The following FMO2 variants were observed in gnomAD, a reference collection of about 807,000 sequenced individuals.
FMO2 encodes flavin-containing monooxygenase 2.
A neutral mutation model predicts 41.6 loss-of-function variants in FMO2; 33 were observed. The observed-to-expected ratio is 0.79, with a 90% CI of 0.60 to 1.06. FMO2 has a LOEUF of 1.06. Ranked by LOEUF, FMO2 falls within the 50% of genes least tolerant of loss-of-function variation. The pLI is 0.00. For missense variants in FMO2, 619 were observed against 632.9 expected (o/e 0.98, Z 0.23); for synonymous variants, 214 against 219.6 (o/e 0.97, Z 0.23).
chr1:171,196,215 A>G (rs916783883), intron 3 of FMO2, among the ~76,000 whole-genome samples: 3 of 152,234 alleles, frequency 2.0e-5, no homozygotes, highest in Non-Finnish European at 2.9e-5. Flanking sequence ...AAAAAATACA[A>G]TTACATAATT....
rs1440663808 is a variant in FMO2 at position 171,199,504 on chromosome 1, C to T, written c.627+16C>T. 10 of 1,585,222 alleles carry T rather than the reference C, an allele frequency of 6.3e-6. No individual in the cohort carries two copies. In the East Asian group the frequency reaches 9.3e-5, roughly 15 times the overall value. ...TGCTGCTCAGGTGTGATGCTCTCTG[C>T]TTACCATGTACCTGGAGGGGAGGAA... On this transcript the variant is annotated intron_variant, in intron 5 of 8. Transcript: ENST00000209929.
chr1:171,187,063 G>A (rs1364800825), intron 2 of FMO2, among the ~76,000 whole-genome samples: 2 of 152,206 alleles, frequency 1.3e-5, no homozygotes, highest in Non-Finnish European at 2.9e-5. Flanking sequence ...AAGTGAGGGA[G>A]GTTAAGTGAG....
At chr1:171,198,232 C>A (rs1658378311) in intron 4 of FMO2, among the ~76,000 whole-genome samples, 1 of 150,486 alleles carries the variant, frequency 6.6e-6, no homozygotes, top group Non-Finnish European at 1.5e-5. Flanking sequence ...TGATTAACCA[C>A]CAGCAAGTCA....
rs1280706069 is a variant in FMO2, at chr1:171,205,654, A to G, written c.1183+20A>G. On this transcript the variant is annotated intron_variant, in intron 7 of 8. Coordinates refer to ENST00000209929, the MANE Select transcript of FMO2 (RefSeq NM_001460.5). ...TCAAAGGTAAGTGTGTAGGCAGGTG[A>G]GTGGCTAAGCGTTTCAGATCTGGTG... 1.3e-6 allele frequency: 2 copies of G among 1,494,642 alleles called. No homozygotes were observed. The highest frequency in any genetic ancestry group is 1.8e-6 in the Non-Finnish European group (2 of 1,093,176). The allele number at this position is 1,494,642 out of a possible 1,614,324, so 92.6% of individuals were successfully genotyped here.
chr1:171,209,816 T>A lies in FMO2; in HGVS notation c.*671T>A, dbSNP rs1658910781. On this transcript the variant is annotated 3_prime_UTR_variant, in exon 9 of 9. Transcript: ENST00000209929. Reference sequence around the variant, plus strand: ...CTACCTAACAAATATATATGTTTAATGTTTATCATAGGCCAGACATTGTGC... The same window carrying A: ...CTACCTAACAAATATATATGTTTAAAGTTTATCATAGGCCAGACATTGTGC... 6.6e-6 allele frequency: 1 copy of A among 152,236 alleles called. No individual in the cohort carries two copies. The highest frequency in any genetic ancestry group is 1.5e-5 in the Non-Finnish European group (1 of 68,036). 9.4% of individuals were successfully genotyped at this position (152,236 alleles called of 1,614,324 possible).
At chr1:171,188,166 T>C (rs976110003) in intron 2 of FMO2, among the ~76,000 whole-genome samples, 4 of 151,942 alleles carry the variant, frequency 2.6e-5, no homozygotes, top group Non-Finnish European at 5.9e-5. Context: ...CCAAAATCCT[T>C]GCATACTCAC....
intron 7 of FMO2, among the ~76,000 whole-genome samples, chr1:171,206,262 G>A (rs28369903): frequency 0.017 from 2,584 of 152,246 alleles, 31 homozygotes; most frequent in Non-Finnish European, 0.027. Context: ...ATAATATATG[G>A]AGTGTTCAGG....
intron 5 of FMO2, among the ~76,000 whole-genome samples, chr1:171,200,384 C>T (rs1040918086): frequency 1.4e-4 from 21 of 152,278 alleles, no homozygotes; most frequent in African/African-American, 5.1e-4. Flanking sequence ...GGGAAAATCA[C>T]TAAACATCCT....
chr1:171,187,873 A>G (rs1657918127), intron 2 of FMO2, among the ~76,000 whole-genome samples: 1 of 152,138 alleles, frequency 6.6e-6, no homozygotes, highest in African/African-American at 2.4e-5. Flanking sequence ...GCTTTGCAAA[A>G]AGGAAAACAG....
At chr1:171,185,936 A>G in intron 2 of FMO2, 91 bp downstream of exon 2, 1 of 1,283,788 alleles carries the variant, frequency 7.8e-7, no homozygotes, top group Non-Finnish European at 1.1e-6. Context: ...GAAATTTATT[A>G]AACAACTCTG....
intron 5 of FMO2, among the ~76,000 whole-genome samples, chr1:171,202,423 G>C (rs1296465272): frequency 1.3e-5 from 2 of 152,250 alleles, no homozygotes; most frequent in African/African-American, 4.8e-5. Flanking sequence ...AGCTAGGAAT[G>C]TAAGGCCCAT....
At position 171,209,809 on chromosome 1, in the gene FMO2, T is replaced by C. The variant is rs1361149157; in HGVS notation, c.*664T>C. The C allele has an allele frequency of 1.3e-5, 2 of 152,200 alleles. No homozygotes were observed. Among genetic ancestry groups the C allele is most frequent in the African/African-American group, 4.8e-5 (2 of 41,452 alleles). The allele number at this position is 152,200 out of a possible 1,614,324, so 9.4% of individuals were successfully genotyped here. On this transcript the variant is annotated 3_prime_UTR_variant, in exon 9 of 9. Transcript: ENST00000209929. ...ATAATAGCTACCTAACAAATATATA[T>C]GTTTAATGTTTATCATAGGCCAGAC...
chr1:171,209,197 A>T lies in FMO2; in HGVS notation c.*52A>T. 1 of 294,364 alleles carries T rather than the reference A, an allele frequency of 3.4e-6. No individual in the cohort carries two copies. The highest frequency in any genetic ancestry group is 6.2e-6 in the Non-Finnish European group (1 of 162,478). The allele number at this position is 294,364 out of a possible 1,614,324, so 18.2% of individuals were successfully genotyped here. The stretch of plus-strand genomic sequence containing the variant: ...TCTTGTCAGTCACTACCTCCTAAAG[A>T]AAAAAAAAAAGGCTAGAAGAAAAAA... On this transcript the variant is annotated 3_prime_UTR_variant, in exon 9 of 9. Transcript: ENST00000209929.
chr1:171,207,889 A>T (rs1183946580), intron 8 of FMO2, 99 bp downstream of exon 8: 1 of 778,384 alleles, frequency 1.3e-6, no homozygotes, highest in African/African-American at 1.8e-5. Flanking sequence ...TAAAATGCAA[A>T]TTTCTGGGCT....
chr1:171,189,297 C>A (rs1048042911), intron 2 of FMO2, among the ~76,000 whole-genome samples: 9 of 152,046 alleles, frequency 5.9e-5, no homozygotes, highest in African/African-American at 2.2e-4. Context: ...TTTTAATTTT[C>A]ATGTAATACT....
chr1:171,199,267 C>T, intron 4 of FMO2, 79 bp from the exon 5 acceptor site: 1 of 1,334,584 alleles, frequency 7.5e-7, no homozygotes, highest in Non-Finnish European at 1.0e-6. Flanking sequence ...AAAGGAAAAG[C>T]TGGCAATGCA....
chr1:171,185,839 G>A lies in FMO2; in HGVS notation c.126G>A (p.Arg42=). 2.5e-6 allele frequency: 4 copies of A among 1,613,630 alleles called. No homozygotes were observed. The highest frequency in any genetic ancestry group is 3.4e-6 in the Non-Finnish European group (4 of 1,179,658). ...CTGAAGATATTGGAGGAGTGTGGAGGTTCAAAGTAAGTGAGATTTTCTTGG... is the reference window on the plus strand; with the variant it reads ...CTGAAGATATTGGAGGAGTGTGGAGATTCAAAGTAAGTGAGATTTTCTTGG... ...ERTEDIGGVW[R]FKENVEDGRA... Residue 42 remains arginine (R), a synonymous_variant, in exon 2 of 9, where the codon AGG becomes AGA. Coordinates refer to ENST00000209929, the MANE Select transcript of FMO2 (RefSeq NM_001460.5).
intron 2 of FMO2, among the ~76,000 whole-genome samples, chr1:171,192,174 A>G (rs1658110126): frequency 6.6e-6 from 1 of 152,172 alleles, no homozygotes; most frequent in South Asian, 2.1e-4. Context: ...ACATCCAGAA[A>G]TAGTTTACAC....
rs990707607 is a variant in FMO2, at chr1:171,212,344, G to T, written c.*3199G>T. ...GCAAGAAGGCCCTCATCAGATGCTG[G>T]CCCCTTGGTCTTGAATTTCCTAGCC... is the stretch of plus-strand genomic sequence containing the variant. On this transcript the variant is annotated 3_prime_UTR_variant, in exon 9 of 9. Transcript: ENST00000209929. Among the ~76,000 whole-genome samples the T allele has an allele frequency of 2.6e-5, 4 of 152,020 alleles. No homozygotes were observed. The highest frequency in any genetic ancestry group is 5.9e-5 in the Non-Finnish European group (4 of 68,010).
Sources: gnomAD v4.1 joint callset for allele counts (sites outside exome capture counted in the v4.1 genomes callset) on GRCh38, gnomAD v4.1.1 for gene constraint, MANE v1.5 for transcripts, NCBI Gene and HGNC (gene_info 2026-07-23, HGNC 2026-07-21) for gene names.